ALS2CL: variants seen among roughly 807,000 people sequenced by gnomAD.
The protein encoded by ALS2CL is ALS2 C-terminal like.
In ALS2CL, 112 loss-of-function variants were observed where a neutral mutation model predicts 127.9. The ratio of observed to expected loss-of-function variants is 0.88; its 90% CI spans 0.75 to 1.02. The LOEUF is 1.02. Among genes scored for constraint, ALS2CL ranks in the 50% least tolerant of loss-of-function variants. The pLI, the probability that ALS2CL is intolerant of heterozygous loss-of-function variation, is 0.00. For synonymous variants in ALS2CL, 519 were observed against 527.6 expected (o/e 0.98, Z 0.22); for missense variants, 1,174 against 1,236.7 (o/e 0.95, Z 0.76).
intron 16 of ALS2CL, 134 bp downstream of exon 16, chr3:46,678,110 ACTGGAGTTGTACACC>A: frequency 4.9e-6 from 4 of 810,586 alleles, no homozygotes; most frequent in Non-Finnish European, 6.7e-6. Context: ...AGAGTCTCTG[ACTGGAGTTGTACACC>A]CTGGGCTCTC....
intron 1 of ALS2CL, 100 bp from the exon 2 acceptor site, chr3:46,689,565 C>A (rs1027625812): frequency 4.9e-5 from 35 of 716,632 alleles, no homozygotes; most frequent in Non-Finnish European, 6.4e-5. Flanking sequence ...CATGACCACC[C>A]ACATCAGAAC....
At chr3:46,684,985 A>G (rs1699652336) in intron 7 of ALS2CL, among the ~76,000 whole-genome samples, 1 of 152,134 alleles carries the variant, frequency 6.6e-6, no homozygotes, top group Non-Finnish European at 1.5e-5. Context: ...TTCAGGATGG[A>G]TGAACCACAG....
intron 2 of ALS2CL, among the ~76,000 whole-genome samples, chr3:46,688,617 C>T (rs1480128712): frequency 1.3e-5 from 2 of 152,234 alleles, no homozygotes; most frequent in Non-Finnish European, 2.9e-5. Flanking sequence ...TGGGCCTCCT[C>T]ATCCTGGACT....
chr3:46,687,251 A>G lies in ALS2CL; in HGVS notation c.369-103T>C, dbSNP rs1699862656. The G allele has an allele frequency of 9.1e-6, 12 of 1,320,210 alleles. No homozygotes were observed. The South Asian group carries it at 1.5e-4, about 17-fold the overall frequency. 81.8% of individuals were successfully genotyped at this position (1,320,210 alleles called of 1,614,324 possible). On this transcript the variant is annotated intron_variant, in intron 4 of 25. Coordinates refer to ENST00000318962, the MANE Select transcript of ALS2CL (RefSeq NM_147129.5). ...GCTAATCCCCTCAGATCCCAGGGCCAGCCCCAGGCCCAAAACCTCTACCCT... is the reference window on the plus strand; with the variant it reads ...GCTAATCCCCTCAGATCCCAGGGCCGGCCCCAGGCCCAAAACCTCTACCCT...
chr3:46,686,989 A>G lies in ALS2CL; in HGVS notation c.528T>C (p.Ile176=), dbSNP rs1575445919. Residue 176 remains isoleucine, a synonymous_variant, in exon 5 of 26, where the codon ATT becomes ATC. Transcript: ENST00000318962. This position sits in a 1 kb window ranked among gnomAD's most constrained non-coding sequence, Gnocchi z 4.3. ...VLLLLSLGDT[I]GEHHPTRELV... ...TGCTGCCCCTGGTACCCACCTCCCC[A>G]ATGGTGTCCCCGAGGCTCAGCAGGA... The G allele has an allele frequency of 6.3e-7, 1 of 1,593,170 alleles. No homozygotes were observed. Among genetic ancestry groups the G allele is most frequent in the Non-Finnish European group, 8.5e-7 (1 of 1,174,112 alleles).
At position 46,681,318 on chromosome 3, in the gene ALS2CL, T is replaced by TG. The variant is rs765143111; in HGVS notation, c.1363dup (p.Gln455ProfsTer20). 13 of 1,613,662 alleles carry TG rather than the reference T, an allele frequency of 8.1e-6. No individual in the cohort carries two copies. The highest frequency in any genetic ancestry group is 1.7e-5 in the Admixed American group (1 of 59,982). ...CCAGTGGCCCGTGTACCTGAAGGGC[T>TG]GGGGGGCCTGCGGACCACTCTCAAG... On this transcript the variant is annotated frameshift_variant, in exon 13 of 26. Coordinates refer to ENST00000318962, the MANE Select transcript of ALS2CL (RefSeq NM_147129.5). LOFTEE classifies it high-confidence loss of function. The surrounding 1 kb of genome is among the most constrained non-coding windows in gnomAD (Gnocchi z 4.9).
chr3:46,688,323 G>T, intron 2 of ALS2CL, 27 bp from the exon 3 acceptor site: 1 of 1,603,970 alleles, frequency 6.2e-7, no homozygotes, highest in South Asian at 1.1e-5. Context: ...GTCACACTGT[G>T]AGTAGAGGAC....
At chr3:46,674,205 T>TCAAGACC (rs1698626719) in intron 21 of ALS2CL, among the ~76,000 whole-genome samples, 2 of 152,112 alleles carry the variant, frequency 1.3e-5, no homozygotes, top group South Asian at 4.1e-4. Flanking sequence ...AGGGGTGGGC[T>TCAAGACC]CAAGACCCAA....
rs753319331 is a variant in ALS2CL at position 46,680,452 on chromosome 3, G to A, written c.1526C>T (p.Thr509Ile). ...CACCACCGTCTTGTCCGCCTGGAAG[G>A]TGCCCTGGTAGCAGACACCTGCCTG... ...VTQAGVCYQGTFQADKTVGPG... is the reference protein window; with the variant it reads ...VTQAGVCYQGIFQADKTVGPG... The change falls in exon 14 of 26, where the codon ACC (threonine) becomes ATC (isoleucine). Residue 509 changes from threonine (T) to isoleucine (I), a missense_variant. Transcript: ENST00000318962. 7 of 1,613,388 alleles carry A rather than the reference G, an allele frequency of 4.3e-6. No homozygotes were observed. In the Admixed American group the frequency reaches 6.7e-5, roughly 15 times the overall value.
Position 46,686,431 on chromosome 3 carries a change from TG to T in ALS2CL, c.542del (p.Pro181GlnfsTer7), listed in dbSNP as rs750289238. The T allele has an allele frequency of 4.3e-6, 7 of 1,612,812 alleles. No homozygotes were observed. The South Asian group carries it at 7.7e-5, about 18-fold the overall frequency. On this transcript the variant is annotated frameshift_variant, in exon 6 of 26. Transcript: ENST00000318962. LOFTEE classifies it high-confidence loss of function. The surrounding 1 kb of genome is among the most constrained non-coding windows in gnomAD (Gnocchi z 4.3). ...SLGDTIGEHH[P>X]TRELVVNAVT... ...CTGCGTTCACCACCAGCTCCCGGGT[TG>T]GGTGATGCTGAAGGGGGACAGGGCA...
chr3:46,684,093 G>A (rs1376196111), intron 7 of ALS2CL, 46 bp from the exon 8 acceptor site: 3 of 1,545,632 alleles, frequency 1.9e-6, no homozygotes, highest in Non-Finnish European at 2.6e-6. Context: ...CAGGCCAGAT[G>A]CTCACCTACC....
chr3:46,676,472 C>A (rs1398457375), intron 18 of ALS2CL, 70 bp from the exon 19 acceptor site: 1 of 1,593,900 alleles, frequency 6.3e-7, no homozygotes, highest in Non-Finnish European at 8.6e-7. Context: ...CCCACACCAG[C>A]CTCCCAACAC....
At chr3:46,680,782 CA>C (rs1300593705) in intron 13 of ALS2CL, 7 of 563,322 alleles carry the variant, frequency 1.2e-5, no homozygotes, top group African/African-American at 7.5e-5. Context: ...GCAGGAAGGA[CA>C]GGGGGAATAG....
At chr3:46,691,575 G>C (rs1273520972) in intron 1 of ALS2CL, among the ~76,000 whole-genome samples, 1 of 152,054 alleles carries the variant, frequency 6.6e-6, no homozygotes, top group African/African-American at 2.4e-5. Flanking sequence ...CCCAGGAGCA[G>C]CCCTCACCTG....
At position 46,682,353 on chromosome 3, in the gene ALS2CL, C is replaced by A. The variant is rs190519069; in HGVS notation, c.1110-259G>T. On this transcript the variant is annotated intron_variant, in intron 10 of 25. Transcript: ENST00000318962. ...GGAAAGCCCTGGAGACATCTAGGTT[C>A]CCTTTTTTCCCTTGACCAACAGGAA... Among the ~76,000 whole-genome samples, 197 of 152,336 alleles carry A rather than the reference C, an allele frequency of 1.3e-3. No individual in the cohort carries two copies. The Middle Eastern group carries it at 0.02, about 16-fold the overall frequency.
At chr3:46,690,911 G>T (rs528391308) in intron 1 of ALS2CL, among the ~76,000 whole-genome samples, 61 of 152,358 alleles carry the variant, frequency 4.0e-4, no homozygotes, top group Non-Finnish European at 7.3e-4. Context: ...GGAATGGAGT[G>T]GGGCGGGTCC....
intron 21 of ALS2CL, among the ~76,000 whole-genome samples, chr3:46,673,595 T>C (rs1392330554): frequency 6.6e-6 from 1 of 151,986 alleles, no homozygotes; most frequent in African/African-American, 2.4e-5. Context: ...CAGGGGCTTG[T>C]ATGAGCCAGG....
In ALS2CL at chr3:46,681,394, C is replaced by A; in HGVS notation, c.1288G>T (p.Glu430Ter). The change falls in exon 13 of 26, where the codon GAG becomes TAG. Residue 430 changes from glutamate to a stop codon, truncating the protein, a stop_gained. Transcript: ENST00000318962. LOFTEE classifies it high-confidence loss of function. The surrounding 1 kb of genome is among the most constrained non-coding windows in gnomAD (Gnocchi z 4.9). ...GYGICEYSTD[E>*]VYKGYFQEGL... is the part of the protein sequence containing the mutation. ...TCCTGGAAGTAGCCCTTGTACACCTCGTCGGTGCTGTACCTGGGGAGGGCC... is the reference window on the plus strand; with the variant it reads ...TCCTGGAAGTAGCCCTTGTACACCTAGTCGGTGCTGTACCTGGGGAGGGCC... The A allele has an allele frequency of 6.2e-7, 1 of 1,605,600 alleles. No individual in the cohort carries two copies.
chr3:46,677,332 A>G, intron 16 of ALS2CL: 1 of 1,179,970 alleles, frequency 8.5e-7, no homozygotes, highest in South Asian at 2.4e-5. Context: ...TCTTGGTCCA[A>G]GAGAGACCAG....
Sources: gnomAD v4.1 joint callset for allele counts (sites outside exome capture counted in the v4.1 genomes callset) on GRCh38, gnomAD v4.1.1 for gene constraint, Gnocchi (gnomAD v3.1) non-coding constraint, MANE v1.5 for transcripts, NCBI Gene and HGNC (gene_info 2026-07-23, HGNC 2026-07-21) for gene names.